INPP4B: variants seen among roughly 807,000 people sequenced by gnomAD.
INPP4B encodes the protein inositol polyphosphate-4-phosphatase type II B.
INPP4B carries 55 observed loss-of-function variants against 122.5 expected under a neutral mutation model. That is an observed-to-expected ratio of 0.45 (90% CI 0.36 to 0.56). The LOEUF is 0.56. INPP4B is among the 20% of genes least tolerant of loss of function. The pLI is 0.00. For synonymous variants in INPP4B, 403 were observed against 388.7 expected, an observed-to-expected ratio of 1.04 and a Z score of -0.43; for missense variants, 1,000 against 1,097.7, an observed-to-expected ratio of 0.91 and a Z score of 1.26.
intron 1 of INPP4B, among the ~76,000 whole-genome samples, chr4:142,782,223 A>G (rs1049149750): frequency 1.3e-5 from 2 of 151,730 alleles, no homozygotes; most frequent in African/African-American, 4.8e-5. Context: ...ATGAGTGAGA[A>G]CATGCGGTGT....
intron 7 of INPP4B, among the ~76,000 whole-genome samples, chr4:142,348,407 TAAAC>T (rs1780948181): frequency 1.3e-5 from 2 of 151,998 alleles, no homozygotes; most frequent in African/African-American, 4.8e-5. Flanking sequence ...TATTTTACCT[TAAAC>T]AGAGAAGTCA....
intron 2 of INPP4B, among the ~76,000 whole-genome samples, chr4:142,649,517 G>A (rs1369697852): frequency 1.3e-5 from 2 of 152,072 alleles, no homozygotes; most frequent in Non-Finnish European, 2.9e-5. Flanking sequence ...ACAGTGTAGA[G>A]AAGACCTTAA....
chr4:142,705,468 C>CACACAT (rs1443914773), intron 2 of INPP4B, among the ~76,000 whole-genome samples: 2 of 145,554 alleles, frequency 1.4e-5, no homozygotes, highest in South Asian at 4.2e-4. Flanking sequence ...AACACACACA[C>CACACAT]ACACACACAC....
chr4:142,305,306 G>C (rs952343856), intron 9 of INPP4B, 152 bp downstream of exon 9: 1 of 589,582 alleles, frequency 1.7e-6, no homozygotes, highest in Non-Finnish European at 3.1e-6. Context: ...AATAATTGCT[G>C]TTTCACTATA....
Position 142,253,497 on chromosome 4 carries a change from G to A in INPP4B, c.688+6995C>T, listed in dbSNP as rs566277678. 3.9e-5 allele frequency among the ~76,000 whole-genome samples: 6 copies of A among 152,284 alleles called. No individual in the cohort carries two copies. In the South Asian group the frequency reaches 8.3e-4, roughly 21 times the overall value. On this transcript the variant is annotated intron_variant, in intron 11 of 25. Transcript: ENST00000262992. Reference sequence around the variant, plus strand: ...AGTGGGCGCAGGTCAGTGGGTGCGCGCACCATGTGCGAGCCGAAGCAGGGC... The same window carrying A: ...AGTGGGCGCAGGTCAGTGGGTGCGCACACCATGTGCGAGCCGAAGCAGGGC...
intron 8 of INPP4B, among the ~76,000 whole-genome samples, chr4:142,306,264 A>T (rs967369851): frequency 6.7e-6 from 1 of 149,598 alleles, no homozygotes; most frequent in Non-Finnish European, 1.5e-5. Flanking sequence ...AGGATAAAAA[A>T]CCTATCATCT....
At chr4:142,741,004 A>T (rs1461821366) in intron 1 of INPP4B, among the ~76,000 whole-genome samples, 1 of 152,100 alleles carries the variant, frequency 6.6e-6, no homozygotes, top group African/African-American at 2.4e-5. Flanking sequence ...GTAAGCCTTT[A>T]TAAAGGAAAG....
intron 1 of INPP4B, among the ~76,000 whole-genome samples, chr4:142,788,010 T>C (rs1419039045): frequency 6.6e-6 from 1 of 151,916 alleles, no homozygotes; most frequent in Non-Finnish European, 1.5e-5. Flanking sequence ...GGAGTTCAGA[T>C]GGGAGCAACT....
At chr4:142,363,781 G>A (rs1318590041) in intron 7 of INPP4B, among the ~76,000 whole-genome samples, 2 of 151,960 alleles carry the variant, frequency 1.3e-5, no homozygotes, top group Admixed American at 1.3e-4. Context: ...TTCTTCCAAA[G>A]GTTTTCAGAT....
chr4:142,240,676 G>A (rs1257278798), intron 11 of INPP4B, among the ~76,000 whole-genome samples: 4 of 152,000 alleles, frequency 2.6e-5, no homozygotes, highest in Non-Finnish European at 5.9e-5. Context: ...TAGATATAAT[G>A]GAATCTACTT....
At chr4:142,260,873 A>T (rs1480809197) in intron 10 of INPP4B, among the ~76,000 whole-genome samples, 1 of 152,228 alleles carries the variant, frequency 6.6e-6, no homozygotes, top group African/African-American at 2.4e-5. Flanking sequence ...ATCATATTTG[A>T]CAAGCTGAAT....
intron 2 of INPP4B, among the ~76,000 whole-genome samples, chr4:142,668,294 T>A (rs1048565019): frequency 2.0e-5 from 3 of 152,150 alleles, no homozygotes; most frequent in African/African-American, 7.2e-5. Context: ...AAAAATATTT[T>A]AAAAATCCAA....
intron 9 of INPP4B, among the ~76,000 whole-genome samples, chr4:142,282,478 CCAGT>C (rs1751649344): frequency 6.6e-6 from 1 of 152,106 alleles, no homozygotes; most frequent in South Asian, 2.1e-4. Flanking sequence ...AATCAAAAGT[CCAGT>C]CAGAGTCCTC....
At chr4:142,443,662 T>C (rs1812304741) in intron 3 of INPP4B, among the ~76,000 whole-genome samples, 1 of 151,884 alleles carries the variant, frequency 6.6e-6, no homozygotes. Flanking sequence ...GACAGAAGGC[T>C]ACCTCCCACC....
chr4:142,761,319 G>A (rs529060110), intron 1 of INPP4B, among the ~76,000 whole-genome samples: 1 of 152,002 alleles, frequency 6.6e-6, no homozygotes, highest in East Asian at 1.9e-4. Context: ...TTGAAGTTTT[G>A]TGCATAGGTT....
chr4:142,654,378 A>AAC (rs1173534781), intron 2 of INPP4B: 3 of 150,942 alleles, frequency 2.0e-5, no homozygotes, highest in South Asian at 2.1e-4. Flanking sequence ...AAAAAAAAAA[A>AAC]AAAAAAAAAA....
intron 2 of INPP4B, among the ~76,000 whole-genome samples, chr4:142,493,206 T>C (rs1834391): frequency 0.33 from 49,595 of 152,058 alleles, 9,561 homozygotes; most frequent in East Asian, 0.51. Context: ...AATGTCCAGG[T>C]AGAAGTCTGC....
At chr4:142,182,462 T>G (rs1318055410) in intron 15 of INPP4B, among the ~76,000 whole-genome samples, 2 of 145,120 alleles carry the variant, frequency 1.4e-5, no homozygotes, top group Admixed American at 1.5e-4. Flanking sequence ...GCAGGAGAAC[T>G]GCTTGAACCC....
At chr4:142,164,619 C>A (rs1821787356) in intron 16 of INPP4B, among the ~76,000 whole-genome samples, 1 of 151,732 alleles carries the variant, frequency 6.6e-6, no homozygotes, top group African/African-American at 2.4e-5. Context: ...CTTGGAAAAA[C>A]CACATAATCA....
Sources: allele counts gnomAD v4.1 joint callset (sites outside exome capture counted in the v4.1 genomes callset), GRCh38; gene constraint gnomAD v4.1.1; transcripts MANE v1.5; gene names NCBI Gene and HGNC (gene_info 2026-07-23, HGNC 2026-07-21).